ARHGAP12: variants seen among roughly 807,000 people sequenced by gnomAD.
ARHGAP12 encodes the protein rho GTPase-activating protein 12.
ARHGAP12 carries 64 observed loss-of-function variants against 108.6 expected under a neutral mutation model. That is an observed-to-expected ratio of 0.59 (90% CI 0.48 to 0.73). The LOEUF is 0.73. Among genes scored for constraint, ARHGAP12 ranks in the 30% least tolerant of loss-of-function variants. The probability of loss-of-function intolerance (pLI) is 0.00; values close to 1 mark genes in which losing one functional copy is unlikely to be tolerated. For missense variants in ARHGAP12, 940 were observed against 1,005.9 expected (o/e 0.93, Z 0.89); for synonymous variants, 312 against 337.2 (o/e 0.93, Z 0.82).
intron 3 of ARHGAP12, among the ~76,000 whole-genome samples, chr10:31,882,948 G>C (rs1361387735): frequency 2.0e-5 from 3 of 151,700 alleles, no homozygotes. Flanking sequence ...ATTCAATGGG[G>C]CAAAAAATTC....
At chr10:31,873,188 C>T (rs895076420) in intron 3 of ARHGAP12, among the ~76,000 whole-genome samples, 7 of 152,134 alleles carry the variant, frequency 4.6e-5, no homozygotes, top group African/African-American at 1.7e-4. Context: ...TATTATCACA[C>T]CACCATATAA....
chr10:31,868,032 T>C (rs540447728), intron 3 of ARHGAP12, among the ~76,000 whole-genome samples: 220 of 152,176 alleles, frequency 1.4e-3, no homozygotes, highest in Non-Finnish European at 2.4e-3. Context: ...AAACCCCATC[T>C]CTACTAAAAA....
At chr10:31,841,307 T>C (rs2132233025) in intron 7 of ARHGAP12, among the ~76,000 whole-genome samples, 1 of 152,230 alleles carries the variant, frequency 6.6e-6, no homozygotes. Flanking sequence ...TCCAAGGTTA[T>C]CTGTAAACTG....
intron 12 of ARHGAP12, among the ~76,000 whole-genome samples, chr10:31,819,470 G>C (rs1381302105): frequency 1.3e-5 from 2 of 152,158 alleles, no homozygotes; most frequent in Non-Finnish European, 2.9e-5. Flanking sequence ...CTGCTCTTCT[G>C]TCAATAGGCT....
intron 9 of ARHGAP12, among the ~76,000 whole-genome samples, chr10:31,836,530 T>A (rs1321506807): frequency 6.6e-6 from 1 of 152,192 alleles, no homozygotes; most frequent in Admixed American, 6.5e-5. Context: ...AAATTTTAAA[T>A]CTGGTGTGAT....
intron 3 of ARHGAP12, among the ~76,000 whole-genome samples, chr10:31,889,231 A>C (rs906831100): frequency 6.6e-6 from 1 of 152,212 alleles, no homozygotes; most frequent in African/African-American, 2.4e-5. Context: ...AATACTATTA[A>C]TACTAGGTTA....
chr10:31,892,109 A>C (rs1838468783), intron 3 of ARHGAP12, among the ~76,000 whole-genome samples: 2 of 152,164 alleles, frequency 1.3e-5, no homozygotes, highest in Non-Finnish European at 2.9e-5. Flanking sequence ...TCCTGAAGGA[A>C]GCACTAAACA....
chr10:31,922,753 A>C (rs1004625063), intron 1 of ARHGAP12, among the ~76,000 whole-genome samples: 1 of 152,222 alleles, frequency 6.6e-6, no homozygotes, highest in African/African-American at 2.4e-5. Flanking sequence ...CCAATTCTAC[A>C]TAAATCTCTC....
chr10:31,901,534 CAAAAAAAAA>C lies in ARHGAP12; in HGVS notation c.684+6629_684+6637del, dbSNP rs61402251. Among the ~76,000 whole-genome samples the C allele has an allele frequency of 9.3e-5, 6 of 64,258 alleles. No homozygotes were observed. The Admixed American group carries it at 9.8e-4, about 10-fold the overall frequency. The allele number at this position is 64,258 out of a possible 152,430, so 42.2% of individuals were successfully genotyped here. On this transcript the variant is annotated intron_variant, in intron 3 of 19. Coordinates refer to ENST00000344936, the MANE Select transcript of ARHGAP12 (RefSeq NM_018287.7). ...GGGTGACAGAGCAAAAACCTGGTCTCAAAAAAAAAAAAAAAAAAAAAAAAGTTTGAAACT... is the reference window on the plus strand; with the variant it reads ...GGGTGACAGAGCAAAAACCTGGTCTCAAAAAAAAAAAAAAAGTTTGAAACT...
Position 31,814,424 on chromosome 10 carries a change from A to AT in ARHGAP12, c.1732-64dup. On this transcript the variant is annotated intron_variant, in intron 13 of 19. Transcript: ENST00000344936. ...CTAGTATTACTATAGTTGGAATGGCATAATTCTCACAATGACTATTGTAAA... is the reference window on the plus strand; with the variant it reads ...CTAGTATTACTATAGTTGGAATGGCATTAATTCTCACAATGACTATTGTAAA... The AT allele has an allele frequency of 2.3e-6, 3 of 1,312,472 alleles. No individual in the cohort carries two copies. In the South Asian group the frequency reaches 3.6e-5, roughly 16 times the overall value. The allele number at this position is 1,312,472 out of a possible 1,614,324, so 81.3% of individuals were successfully genotyped here. A position where few individuals can be genotyped will look rare whatever the true frequency, so the allele number is the denominator to read the frequency against.
At position 31,854,324 on chromosome 10, in the gene ARHGAP12, G is replaced by C. The variant is rs892472036; in HGVS notation, c.949-118C>G. The C allele has an allele frequency of 3.4e-6, 3 of 880,648 alleles. No homozygotes were observed. In the African/African-American group the frequency reaches 5.2e-5, roughly 15 times the overall value. 54.6% of individuals were successfully genotyped at this position (880,648 alleles called of 1,614,324 possible). ...GTATGAAGATATCTTAAATATATCT[G>C]AATATTTGATTTTGAAAATAAATTG... On this transcript the variant is annotated intron_variant, in intron 4 of 19. Transcript: ENST00000344936.
At chr10:31,853,478 C>T (rs1472747455) in intron 5 of ARHGAP12, among the ~76,000 whole-genome samples, 1 of 152,042 alleles carries the variant, frequency 6.6e-6, no homozygotes, top group African/African-American at 2.4e-5. Context: ...AAACTGCTTC[C>T]GTATGTTCTA....
chr10:31,890,019 G>A (rs1200396079), intron 3 of ARHGAP12, among the ~76,000 whole-genome samples: 1 of 152,060 alleles, frequency 6.6e-6, no homozygotes, highest in African/African-American at 2.4e-5. Flanking sequence ...ATACATTACT[G>A]TGCAGTGAAT....
In ARHGAP12 at chr10:31,807,399, C is replaced by T; in HGVS notation, c.*259G>A. On this transcript the variant is annotated 3_prime_UTR_variant, in exon 20 of 20. Coordinates refer to ENST00000344936, the MANE Select transcript of ARHGAP12 (RefSeq NM_018287.7). ...TTAGAATTTTAAGTTTTGATTTTTA[C>T]TGAAATTCAGAGTATGAAATGCAAA... 1 of 321,756 alleles carries T rather than the reference C, an allele frequency of 3.1e-6. No homozygotes were observed. The highest frequency in any genetic ancestry group is 5.6e-6 in the Non-Finnish European group (1 of 177,438). 19.9% of individuals were successfully genotyped at this position (321,756 alleles called of 1,614,324 possible).
intron 3 of ARHGAP12, among the ~76,000 whole-genome samples, chr10:31,873,774 A>G (rs538497673): frequency 6.6e-6 from 1 of 152,382 alleles, no homozygotes; most frequent in Admixed American, 6.5e-5. Context: ...GATAGCTGCT[A>G]GAAACTTATT....
At chr10:31,893,677 G>A (rs1239830082) in intron 3 of ARHGAP12, among the ~76,000 whole-genome samples, 1 of 152,166 alleles carries the variant, frequency 6.6e-6, no homozygotes, top group African/African-American at 2.4e-5. Context: ...ACAAGGAGGA[G>A]CTGGTACCAT....
In ARHGAP12 at chr10:31,812,835, AAGAC is replaced by A. The variant is rs750096463; in HGVS notation, c.1835-16_1835-13del. On this transcript the variant is annotated splice_polypyrimidine_tract_variant and intron_variant, in intron 14 of 19. Transcript: ENST00000344936. ...AGATACTTTAAAGGCTTAAGACAAA[AAGAC>A]AGGTAATGAGCATTTGTAAAAATAA... 23 of 1,454,594 alleles carry A rather than the reference AAGAC, an allele frequency of 1.6e-5. No homozygotes were observed. Among genetic ancestry groups the A allele is most frequent in the Admixed American group, 4.2e-5 (2 of 47,652 alleles). 90.1% of individuals were successfully genotyped at this position (1,454,594 alleles called of 1,614,324 possible). A position where few individuals can be genotyped will look rare whatever the true frequency, so the allele number is the denominator to read the frequency against.
At chr10:31,922,283 A>G (rs1395008639) in intron 1 of ARHGAP12, among the ~76,000 whole-genome samples, 1 of 151,712 alleles carries the variant, frequency 6.6e-6, no homozygotes, top group African/African-American at 2.4e-5. Flanking sequence ...AAAAGAAACA[A>G]ATTATCAAAA....
At chr10:31,875,548 T>C (rs192027862) in intron 3 of ARHGAP12, among the ~76,000 whole-genome samples, 70 of 152,364 alleles carry the variant, frequency 4.6e-4, no homozygotes, top group Admixed American at 4.2e-3. Context: ...AGGATTGTTC[T>C]GTAATCACAG....
Sources: allele counts gnomAD v4.1 joint callset (sites outside exome capture counted in the v4.1 genomes callset), GRCh38; gene constraint gnomAD v4.1.1; transcripts MANE v1.5; gene names NCBI Gene and HGNC (gene_info 2026-07-23, HGNC 2026-07-21).